Variants in TAS1R1 observed in about 807,000 individuals in gnomAD.
The protein encoded by TAS1R1 is taste 1 receptor member 1.
Under a neutral mutation model 45.8 loss-of-function variants are expected in TAS1R1, and 31 were observed. That is an observed-to-expected ratio of 0.68 (90% CI 0.51 to 0.91). TAS1R1 has a LOEUF of 0.91. TAS1R1 is among the 40% of genes least tolerant of loss of function. The pLI, the probability that TAS1R1 is intolerant of heterozygous loss-of-function variation, is 0.00. For synonymous variants in TAS1R1, 437 were observed against 448.4 expected (o/e 0.97, Z 0.32); for missense variants, 1,051 against 1,063.9 (o/e 0.99, Z 0.17).
Position 6,570,997 on chromosome 1 carries a change from C to T in TAS1R1, c.280C>T (p.Pro94Ser). ...GATAAACAACTCCACGGCCCTGCTGCCCAACATCACCCTGGGGTACCAGCT... is the reference window on the plus strand; with the variant it reads ...GATAAACAACTCCACGGCCCTGCTGTCCAACATCACCCTGGGGTACCAGCT... The part of the protein sequence containing the change: ...EEINNSTALL[P>S]NITLGYQLYD... The change falls in exon 2 of 6, where the codon CCC (proline) becomes TCC (serine). Residue 94 changes from proline to serine, a missense_variant. Pro to Ser is a moderately conservative substitution (Grantham distance 74, BLOSUM62 -1). Transcript: ENST00000333172. The T allele has an allele frequency of 6.2e-7, 1 of 1,614,186 alleles. No homozygotes were observed. The highest frequency in any genetic ancestry group is 1.1e-5 in the South Asian group (1 of 91,082).
Position 6,576,645 on chromosome 1 carries a change from A to T in TAS1R1, c.1473+18A>T. 1.2e-6 allele frequency: 2 copies of T among 1,609,834 alleles called. No homozygotes were observed. The highest frequency in any genetic ancestry group is 1.7e-6 in the Non-Finnish European group (2 of 1,177,294). ...ACAACCAGGTAATGGGGATGTGGCTACTCACCATGTAACTGGCTTATGGGC... is the reference window on the plus strand; with the variant it reads ...ACAACCAGGTAATGGGGATGTGGCTTCTCACCATGTAACTGGCTTATGGGC... On this transcript the variant is annotated intron_variant, in intron 4 of 5. Transcript: ENST00000333172.
chr1:6,576,400 A>G lies in TAS1R1; in HGVS notation c.1261-15A>G. On this transcript the variant is annotated splice_polypyrimidine_tract_variant and intron_variant, in intron 3 of 5. Coordinates refer to ENST00000333172, the MANE Select transcript of TAS1R1 (RefSeq NM_138697.4). ...GTGCTGTCTGTGGTGGCTTCATGAT[A>G]CGCGTTTCTTTCAGCTTTTGGAGCA... 1 of 1,613,716 alleles carries G rather than the reference A, an allele frequency of 6.2e-7. No individual in the cohort carries two copies. The highest frequency in any genetic ancestry group is 8.5e-7 in the Non-Finnish European group (1 of 1,179,620).
chr1:6,558,682 C>A (rs1287225789), intron 1 of TAS1R1, among the ~76,000 whole-genome samples: 1 of 151,308 alleles, frequency 6.6e-6, no homozygotes, highest in Non-Finnish European at 1.5e-5. Flanking sequence ...ATCGTGCACT[C>A]CAGCCTGGGT....
chr1:6,573,876 G>C (rs1640087069), intron 2 of TAS1R1, among the ~76,000 whole-genome samples: 1 of 152,022 alleles, frequency 6.6e-6, no homozygotes, highest in Non-Finnish European at 1.5e-5. Context: ...TGTTAGCCAG[G>C]CTGGTCGCAA....
rs1338426189 is a variant in TAS1R1, at chr1:6,560,838, GCT to G, written c.191+5275_191+5276del. ...TCTACAAAAAATACAAAAAAAATTA[GCT>G]GGGCGTGGTGATGGGCGCCTGTAGT... On this transcript the variant is annotated intron_variant, in intron 1 of 5. Transcript: ENST00000333172. 2.6e-5 allele frequency among the ~76,000 whole-genome samples: 4 copies of G among 152,152 alleles called. No homozygotes were observed. The East Asian group carries it at 7.7e-4, about 29-fold the overall frequency.
intron 1 of TAS1R1, among the ~76,000 whole-genome samples, chr1:6,569,204 A>G (rs533606000): frequency 7.2e-5 from 11 of 152,074 alleles, no homozygotes; most frequent in African/African-American, 2.7e-4. Flanking sequence ...GAGGATGGGG[A>G]AAATTGGCGA....
intron 1 of TAS1R1, among the ~76,000 whole-genome samples, chr1:6,559,883 T>C (rs1639751728): frequency 1.4e-5 from 2 of 147,720 alleles, no homozygotes; most frequent in South Asian, 4.3e-4. Context: ...CCAGGTACTC[T>C]GGAGGCTGAG....
At position 6,579,424 on chromosome 1, in the gene TAS1R1, C is replaced by T; in HGVS notation, c.2366C>T (p.Pro789Leu). 1 of 1,614,070 alleles carries T rather than the reference C, an allele frequency of 6.2e-7. No homozygotes were observed. The highest frequency in any genetic ancestry group is 1.1e-5 in the South Asian group (1 of 91,086). ...AGCGTCTACGACGGCAAGTACCTGC[C>T]TGCGGCCAACATGATGGCTGGGCTG... The part of the protein sequence containing the change: ...TASVYDGKYL[P>L]AANMMAGLSS... The change falls in exon 6 of 6, where the codon CCT (proline) becomes CTT (leucine). Residue 789 changes from proline to leucine, a missense_variant. Physicochemically the swap from Pro to Leu is moderately conservative, Grantham distance 98 (BLOSUM62 -3). Transcript: ENST00000333172.
chr1:6,576,290 G>C, intron 3 of TAS1R1, 125 bp from the exon 4 acceptor site: 1 of 854,934 alleles, frequency 1.2e-6, no homozygotes, highest in South Asian at 1.6e-5. Context: ...AGAAGGAAGG[G>C]ACGAGACCTT....
Position 6,570,024 on chromosome 1 carries a change from G to GAGAGAGAGAGAGAGAGAGA in TAS1R1, c.192-885_192-884insAGAGAGAGAGAGAGAGAGA, listed in dbSNP as rs1553186697. Among the ~76,000 whole-genome samples the GAGAGAGAGAGAGAGAGAGA allele has an allele frequency of 2.6e-3, 84 of 32,418 alleles. No homozygotes were observed. In the Middle Eastern group the frequency reaches 0.06, roughly 23 times the overall value. 21.3% of individuals were successfully genotyped at this position (32,418 alleles called of 152,430 possible). A position where few individuals can be genotyped will look rare whatever the true frequency, so the allele number is the denominator to read the frequency against. On this transcript the variant is annotated intron_variant, in intron 1 of 5. Transcript: ENST00000333172. ...GGAGGAGAGAGGGAGGGAGGGAGGG[G>GAGAGAGAGAGAGAGAGAGA]GAGAGAGAGAGAGAGAGAGAGAGAG...
At position 6,579,610 on chromosome 1, in the gene TAS1R1, C is replaced by T. The variant is rs1640330895; in HGVS notation, c.*26C>T. The T allele has an allele frequency of 6.3e-7, 1 of 1,581,066 alleles. No homozygotes were observed. Among genetic ancestry groups the T allele is most frequent in the Non-Finnish European group, 8.6e-7 (1 of 1,167,424 alleles). On this transcript the variant is annotated 3_prime_UTR_variant, in exon 6 of 6. Coordinates refer to ENST00000333172, the MANE Select transcript of TAS1R1 (RefSeq NM_138697.4). ...CCAGTGGGTCAGCAGGCACGGCTGG[C>T]AGCCTTCTCTGCCCTGAGGGTCGAA... is the stretch of plus-strand genomic sequence containing the variant.
intron 5 of TAS1R1, among the ~76,000 whole-genome samples, chr1:6,577,705 G>A (rs1423728193): frequency 1.3e-5 from 2 of 151,928 alleles, no homozygotes; most frequent in African/African-American, 2.4e-5. Context: ...GCGTGTGCCT[G>A]TAATTCCAGC....
chr1:6,574,711 G>T lies in TAS1R1; in HGVS notation c.579G>T (p.Lys193Asn). ...PSFLRTIPND[K>N]YQVETMVLLL... Reference sequence around the variant, plus strand: ...TCCTGCGCACCATCCCCAATGACAAGTACCAGGTGGAGACCATGGTGCTGC... The same window carrying T: ...TCCTGCGCACCATCCCCAATGACAATTACCAGGTGGAGACCATGGTGCTGC... The change falls in exon 3 of 6, where the codon AAG (lysine) becomes AAT (asparagine). Residue 193 changes from lysine (K) to asparagine (N), a missense_variant. Coordinates refer to ENST00000333172, the MANE Select transcript of TAS1R1 (RefSeq NM_138697.4). This position sits in a 1 kb window ranked among gnomAD's most constrained non-coding sequence, Gnocchi z 4.3. The T allele has an allele frequency of 6.2e-7, 1 of 1,614,274 alleles. No individual in the cohort carries two copies. Among genetic ancestry groups the T allele is most frequent in the Non-Finnish European group, 8.5e-7 (1 of 1,180,058 alleles).
At chr1:6,569,051 C>G (rs1228925661) in intron 1 of TAS1R1, among the ~76,000 whole-genome samples, 1 of 150,994 alleles carries the variant, frequency 6.6e-6, no homozygotes, top group African/African-American at 2.4e-5. Context: ...CATGTTGGGC[C>G]CGAGAATGGG....
At position 6,578,721 on chromosome 1, in the gene TAS1R1, C is replaced by G. The variant is rs201116489; in HGVS notation, c.1663C>G (p.Arg555Gly). The G allele has an allele frequency of 2.5e-6, 4 of 1,612,166 alleles. No homozygotes were observed. The African/African-American group carries it at 5.3e-5, about 22-fold the overall frequency. The change falls in exon 6 of 6, where the codon CGC becomes GGC. Residue 555 changes from arginine (R) to glycine (G), a missense_variant. By Grantham distance (125) the Arg-to-Gly change is moderately radical. Transcript: ENST00000333172. ...APEGSQTCFP[R>G]TVVFLALREH... ...TGAGGGAAGCCAGACCTGCTTCCCG[C>G]GCACTGTGGTGTTTTTGGCTTTGCG...
rs746706792 is a variant in TAS1R1, at chr1:6,574,843, C to A, written c.711C>A (p.Ile237=). 2.8e-5 allele frequency: 45 copies of A among 1,614,150 alleles called. 1 individual carries two copies. The South Asian group carries it at 4.8e-4, about 17-fold the overall frequency. The change falls in exon 3 of 6, where the codon ATC becomes ATA. Residue 237 remains isoleucine, a synonymous_variant. Coordinates refer to ENST00000333172, the MANE Select transcript of TAS1R1 (RefSeq NM_138697.4). This position sits in a 1 kb window ranked among gnomAD's most constrained non-coding sequence, Gnocchi z 4.3. ...ALENQATGQG[I]CIAFKDIMPF... The stretch of plus-strand genomic sequence containing the variant: ...AGAACCAGGCCACTGGTCAGGGGAT[C>A]TGCATTGCTTTCAAGGACATCATGC...
chr1:6,578,720 G>T lies in TAS1R1; in HGVS notation c.1662G>T (p.Pro554=), dbSNP rs776544185. The change falls in exon 6 of 6, where the codon CCG becomes CCT. Residue 554 remains proline, a synonymous_variant. Transcript: ENST00000333172. ...CTGAGGGAAGCCAGACCTGCTTCCC[G>T]CGCACTGTGGTGTTTTTGGCTTTGC... ...WAPEGSQTCF[P]RTVVFLALRE... 1 of 1,612,178 alleles carries T rather than the reference G, an allele frequency of 6.2e-7. No individual in the cohort carries two copies. The highest frequency in any genetic ancestry group is 1.3e-5 in the African/African-American group (1 of 74,924).
At chr1:6,569,968 G>A (rs1448244054) in intron 1 of TAS1R1, among the ~76,000 whole-genome samples, 1 of 142,502 alleles carries the variant, frequency 7.0e-6, no homozygotes. Context: ...GAGGTGGGAT[G>A]AGAGGGGGAA....
intron 1 of TAS1R1, among the ~76,000 whole-genome samples, chr1:6,561,924 A>AGG (rs1406152408): frequency 6.6e-6 from 1 of 152,120 alleles, no homozygotes; most frequent in Admixed American, 6.5e-5. Context: ...AAGTGGGACC[A>AGG]GGGGGCCAAC....
Sources: allele counts gnomAD v4.1 joint callset (sites outside exome capture counted in the v4.1 genomes callset), GRCh38; gene constraint gnomAD v4.1.1; non-coding constraint Gnocchi (gnomAD v3.1); transcripts MANE v1.5; gene names NCBI Gene and HGNC (gene_info 2026-07-23, HGNC 2026-07-21).